The following UGT2A1 variants were observed in gnomAD, a reference collection of about 807,000 sequenced individuals.
The protein encoded by UGT2A1 is UDP-glucuronosyltransferase 2A1.
In UGT2A1, 61 loss-of-function variants were observed where a neutral mutation model predicts 45.4. That is an observed-to-expected ratio of 1.34 (90% CI 1.09 to 1.66). The LOEUF is 1.66. Among genes scored for constraint, UGT2A1 ranks in the 40% most tolerant of loss-of-function variants. The probability of loss-of-function intolerance (pLI) is 0.00; values close to 1 mark genes in which losing one functional copy is unlikely to be tolerated. For synonymous variants in UGT2A1, 229 were observed against 196.2 expected (o/e 1.17, Z -1.40); for missense variants, 649 against 574.3 (o/e 1.13, Z -1.33).
At chr4:69,620,291 G>GAA (rs112020407) in intron 3 of UGT2A1, among the ~76,000 whole-genome samples, 3 of 147,972 alleles carry the variant, frequency 2.0e-5, no homozygotes, top group South Asian at 2.1e-4. Flanking sequence ...AAAGTTTCAG[G>GAA]AAAAAAAATC....
chr4:69,599,205 T>A, intron 4 of UGT2A1, 41 bp downstream of exon 4: 1 of 1,559,278 alleles, frequency 6.4e-7, no homozygotes, highest in East Asian at 2.3e-5. Flanking sequence ...TTAAGTATTT[T>A]ATTATGAAGA....
At chr4:69,596,850 T>A (rs577888397) in intron 4 of UGT2A1, among the ~76,000 whole-genome samples, 12 of 152,258 alleles carry the variant, frequency 7.9e-5, no homozygotes, top group Non-Finnish European at 1.8e-4. Context: ...AGGAAACACG[T>A]CTCTGAAATG....
intron 2 of UGT2A1, among the ~76,000 whole-genome samples, chr4:69,636,344 G>A (rs556783077): frequency 2.0e-5 from 3 of 151,992 alleles, no homozygotes; most frequent in Non-Finnish European, 4.4e-5. Flanking sequence ...TAATCCTTTT[G>A]TTTGTGATGG....
intron 2 of UGT2A1, among the ~76,000 whole-genome samples, chr4:69,645,242 G>A (rs962829688): frequency 6.6e-6 from 1 of 151,642 alleles, no homozygotes; most frequent in Non-Finnish European, 1.5e-5. Flanking sequence ...ATATCCAGCT[G>A]CTTACTGGAT....
In UGT2A1 at chr4:69,589,321, C is replaced by A. The variant is rs1560463089; in HGVS notation, c.*51G>T. On this transcript the variant is annotated 3_prime_UTR_variant, in exon 7 of 7. Transcript: ENST00000286604. ...GTCTGGAATTAATAGGACTACACTA[C>A]TCAGGATTTTGCCAAACTTAAAAAT... 6.6e-7 allele frequency: 1 copy of A among 1,516,322 alleles called. No individual in the cohort carries two copies. Among genetic ancestry groups the A allele is most frequent in the Admixed American group, 2.2e-5 (1 of 46,510 alleles). The allele number at this position is 1,516,322 out of a possible 1,614,324, so 93.9% of individuals were successfully genotyped here.
chr4:69,594,709 T>C lies in UGT2A1; in HGVS notation c.1085-13A>G. On this transcript the variant is annotated splice_polypyrimidine_tract_variant and intron_variant, in intron 5 of 6. Coordinates refer to ENST00000286604, the MANE Select transcript of UGT2A1 (RefSeq NM_001252275.3). Reference sequence around the variant, plus strand: ...GTTTTGGGATGTCCTAATTTGAGGATGGAGTGAGAAGTGGGTGTGTAATAA... The same window carrying C: ...GTTTTGGGATGTCCTAATTTGAGGACGGAGTGAGAAGTGGGTGTGTAATAA... The C allele has an allele frequency of 1.9e-6, 3 of 1,609,494 alleles. No homozygotes were observed. The highest frequency in any genetic ancestry group is 2.5e-6 in the Non-Finnish European group (3 of 1,177,340).
At chr4:69,628,273 T>C (rs1240572142) in intron 3 of UGT2A1, among the ~76,000 whole-genome samples, 1 of 136,788 alleles carries the variant, frequency 7.3e-6, no homozygotes, top group African/African-American at 2.9e-5. Flanking sequence ...CCAAAATTTA[T>C]ATGGAGCCAC....
intron 2 of UGT2A1, among the ~76,000 whole-genome samples, chr4:69,641,105 A>AAAAGCTTTATGTGATAAGCT (rs1722028100): frequency 6.6e-6 from 1 of 151,952 alleles, no homozygotes; most frequent in Admixed American, 6.6e-5. Context: ...TAGCTGCAAT[A>AAAAGCTTTATGTGATAAGCT]GCACATAAAA....
At chr4:69,640,800 T>C (rs988672) in intron 2 of UGT2A1, among the ~76,000 whole-genome samples, 56,939 of 151,580 alleles carry the variant, frequency 0.38, 11,020 homozygotes, top group African/African-American at 0.42. Flanking sequence ...CTCTCAAGAA[T>C]AAGCCTCAAT....
chr4:69,599,455 A>T, intron 3 of UGT2A1, 61 bp from the exon 4 acceptor site: 4 of 1,581,526 alleles, frequency 2.5e-6, no homozygotes, highest in Non-Finnish European at 3.4e-6. Flanking sequence ...TGAGGAGAAA[A>T]AAAAGCTACC....
intron 3 of UGT2A1, among the ~76,000 whole-genome samples, chr4:69,618,265 T>C (rs1400071052): frequency 6.8e-6 from 1 of 147,528 alleles, no homozygotes; most frequent in Non-Finnish European, 1.5e-5. Flanking sequence ...GGGAAGAATG[T>C]ATTACATTTG....
At chr4:69,637,858 A>G (rs1721799909) in intron 2 of UGT2A1, among the ~76,000 whole-genome samples, 1 of 151,944 alleles carries the variant, frequency 6.6e-6, no homozygotes, top group African/African-American at 2.4e-5. Context: ...CACAAAGTAA[A>G]CAAGAGAGAA....
In UGT2A1 at chr4:69,649,589, A is replaced by G. The variant is rs187305084; in HGVS notation, c.-54-1891T>C. ...AAGGTCCGTTGGTAAAATTCTTTTT[A>G]ACAAAAGGGCAGCCTGAAGCTGCAC... On this transcript the variant is annotated intron_variant, in intron 1 of 6. Transcript: ENST00000286604. 2.1e-3 allele frequency among the ~76,000 whole-genome samples: 325 copies of G among 152,234 alleles called. 3 individuals are homozygous for G. The Middle Eastern group carries it at 0.038, about 18-fold the overall frequency.
chr4:69,596,171 A>C lies in UGT2A1; in HGVS notation c.997-922T>G, dbSNP rs569735063. 6 of 1,373,614 alleles carry C rather than the reference A, an allele frequency of 4.4e-6. No homozygotes were observed. The African/African-American group carries it at 7.3e-5, about 17-fold the overall frequency. The allele number at this position is 1,373,614 out of a possible 1,614,324, so 85.1% of individuals were successfully genotyped here. Reference sequence around the variant, plus strand: ...CAGTGTATAATGAGTTTTGATTTTCATATGGAAAGAACATTACTAGCTGCA... The same window carrying C: ...CAGTGTATAATGAGTTTTGATTTTCCTATGGAAAGAACATTACTAGCTGCA... On this transcript the variant is annotated intron_variant, in intron 4 of 6. Coordinates refer to ENST00000286604, the MANE Select transcript of UGT2A1 (RefSeq NM_001252275.3).
At chr4:69,635,055 G>C (rs1434243113) in intron 3 of UGT2A1, among the ~76,000 whole-genome samples, 1 of 151,960 alleles carries the variant, frequency 6.6e-6, no homozygotes, top group African/African-American at 2.4e-5. Flanking sequence ...TTGCATGTCT[G>C]TATCAAAACA....
At chr4:69,617,311 C>T (rs1720460128) in intron 3 of UGT2A1, among the ~76,000 whole-genome samples, 2 of 151,870 alleles carry the variant, frequency 1.3e-5, no homozygotes, top group South Asian at 2.1e-4. Flanking sequence ...GTTGATAGTG[C>T]TGAATAAGTA....
chr4:69,594,788 C>G lies in UGT2A1; in HGVS notation c.1085-92G>C, dbSNP rs909138039. 11 of 1,420,542 alleles carry G rather than the reference C, an allele frequency of 7.7e-6. No homozygotes were observed. The Admixed American group carries it at 2.3e-4, about 29-fold the overall frequency. 88.0% of individuals were successfully genotyped at this position (1,420,542 alleles called of 1,614,324 possible). Reference sequence around the variant, plus strand: ...AAGGGGTCAAAAAGCTGTAATGTAACTCTCTAAAGAAGGATACGTTTTCTA... The same window carrying G: ...AAGGGGTCAAAAAGCTGTAATGTAAGTCTCTAAAGAAGGATACGTTTTCTA... On this transcript the variant is annotated intron_variant, in intron 5 of 6. Transcript: ENST00000286604.
At chr4:69,597,824 T>C (rs1719028838) in intron 4 of UGT2A1, among the ~76,000 whole-genome samples, 1 of 152,134 alleles carries the variant, frequency 6.6e-6, no homozygotes, top group Admixed American at 6.5e-5. Flanking sequence ...GTATTCTGTG[T>C]ACCCAGTGAT....
intron 2 of UGT2A1, among the ~76,000 whole-genome samples, chr4:69,643,349 A>C (rs1324994290): frequency 1.3e-5 from 2 of 151,796 alleles, no homozygotes; most frequent in African/African-American, 4.8e-5. Context: ...AAGAAGGAAA[A>C]ACAATTCCTA....
Sources: gnomAD v4.1 joint callset for allele counts (sites outside exome capture counted in the v4.1 genomes callset) on GRCh38, gnomAD v4.1.1 for gene constraint, MANE v1.5 for transcripts, NCBI Gene and HGNC (gene_info 2026-07-23, HGNC 2026-07-21) for gene names.